Variants in MYCBP2 observed in about 807,000 individuals in gnomAD.
The protein encoded by MYCBP2 is E3 ubiquitin-protein ligase MYCBP2.
Under a neutral mutation model 525.3 loss-of-function variants are expected in MYCBP2, and 120 were observed. That is an observed-to-expected ratio of 0.23 (90% CI 0.20 to 0.27). MYCBP2 has a LOEUF of 0.27. Ranked by LOEUF, MYCBP2 falls within the 10% of genes least tolerant of loss-of-function variation. The pLI is 1.00. For missense variants in MYCBP2, 4,149 were observed against 5,657.1 expected (o/e 0.73, Z 8.55); for synonymous variants, 1,894 against 1,955.8 (o/e 0.97, Z 0.83).
chr13:77,167,951 GAA>G (rs1447171514), intron 40 of MYCBP2, among the ~76,000 whole-genome samples: 1 of 152,068 alleles, frequency 6.6e-6, no homozygotes, highest in Non-Finnish European at 1.5e-5. Context: ...AAAAAACAAA[GAA>G]TACGGATTTT....
intron 1 of MYCBP2, among the ~76,000 whole-genome samples, chr13:77,308,379 T>C (rs998917210): frequency 2.0e-5 from 3 of 152,232 alleles, no homozygotes; most frequent in Non-Finnish European, 4.4e-5. Flanking sequence ...TATGTCAAGA[T>C]AGGTTAAGAG....
At position 77,165,266 on chromosome 13, in the gene MYCBP2, T is replaced by C. The variant is rs17067276; in HGVS notation, c.6459+7A>G. On this transcript the variant is annotated splice_region_variant and intron_variant, in intron 42 of 82. Coordinates refer to ENST00000544440, the MANE Select transcript of MYCBP2 (RefSeq NM_015057.5). ...CTTAAAAGAATGAAAAGATAATTCA[T>C]TCTTACCTCATCAGGTCCAGGGCTA... 4 of 1,571,218 alleles carry C rather than the reference T, an allele frequency of 2.5e-6. No individual in the cohort carries two copies. In the African/African-American group the frequency reaches 5.4e-5, roughly 21 times the overall value.
intron 8 of MYCBP2, among the ~76,000 whole-genome samples, chr13:77,267,427 A>AT (rs2074266955): frequency 3.3e-5 from 5 of 150,972 alleles, no homozygotes; most frequent in Non-Finnish European, 7.4e-5. Flanking sequence ...ATTAAATTAA[A>AT]TAAAATTAAA....
intron 61 of MYCBP2, among the ~76,000 whole-genome samples, chr13:77,088,161 A>G (rs2044696716): frequency 6.6e-6 from 1 of 152,132 alleles, no homozygotes; most frequent in Non-Finnish European, 1.5e-5. Flanking sequence ...TTAATTTAAA[A>G]AAAACAGGAA....
chr13:77,248,544 A>T (rs2070491079), intron 15 of MYCBP2, among the ~76,000 whole-genome samples: 1 of 152,170 alleles, frequency 6.6e-6, no homozygotes, highest in Admixed American at 6.5e-5. Flanking sequence ...CACTGGAGAA[A>T]TTCAAATCAA....
intron 18 of MYCBP2, among the ~76,000 whole-genome samples, chr13:77,226,211 T>G (rs886932983): frequency 1.3e-5 from 2 of 152,144 alleles, no homozygotes; most frequent in African/African-American, 4.8e-5. Context: ...CAACCAAACC[T>G]TTTTTCTGCT....
chr13:77,314,850 G>A (rs545397534), intron 1 of MYCBP2, among the ~76,000 whole-genome samples: 29 of 152,214 alleles, frequency 1.9e-4, no homozygotes, highest in African/African-American at 6.7e-4. Flanking sequence ...GAGGCTATGC[G>A]TGAGTGGGGG....
At position 77,251,246 on chromosome 13, in the gene MYCBP2, C is replaced by T; in HGVS notation, c.2286G>A (p.Lys762=). The T allele has an allele frequency of 6.2e-7, 1 of 1,614,200 alleles. No homozygotes were observed. Among genetic ancestry groups the T allele is most frequent in the Non-Finnish European group, 8.5e-7 (1 of 1,180,028 alleles). ...CAGTGCAAACCATGCACTGCTCCAG[C>T]TTCCATTTGTGCATGCCTGGAGGGC... The part of the protein sequence containing the change: ...MMCPPGMHKW[K]LEQCMVCTVC... The change falls in exon 15 of 83, where the codon AAG becomes AAA. Residue 762 remains lysine, a synonymous_variant. Coordinates refer to ENST00000544440, the MANE Select transcript of MYCBP2 (RefSeq NM_015057.5).
chr13:77,083,065 G>C lies in MYCBP2; in HGVS notation c.11003C>G (p.Pro3668Arg). ...CATTTGCTGTAATGAACTGCCGCTG[G>C]GGAGAGACATCATAAGGTCTGAGAT... ...QTISDLMMSL[P>R]SGSSLQQMAL... is the part of the protein sequence containing the mutation. The change falls in exon 63 of 83, where the codon CCC becomes CGC. Residue 3668 changes from proline (P) to arginine (R), a missense_variant. Around this residue, in one of 21 missense-constraint regions of MYCBP2, gnomAD observed 509 missense variants for 789.4 expected, o/e 0.64. Transcript: ENST00000544440. 6.2e-7 allele frequency: 1 copy of C among 1,613,328 alleles called. No homozygotes were observed. The highest frequency in any genetic ancestry group is 8.5e-7 in the Non-Finnish European group (1 of 1,179,546).
chr13:77,168,684 C>A, intron 39 of MYCBP2, 38 bp from the exon 40 acceptor site: 1 of 1,574,332 alleles, frequency 6.4e-7, no homozygotes, highest in South Asian at 1.1e-5. Context: ...ATGAGATACA[C>A]GTGAAAGTGG....
intron 55 of MYCBP2, among the ~76,000 whole-genome samples, chr13:77,101,938 T>A (rs996353154): frequency 6.6e-6 from 1 of 151,962 alleles, no homozygotes. Context: ...AGACTATACG[T>A]AATACTTTCA....
intron 75 of MYCBP2, among the ~76,000 whole-genome samples, 160 bp downstream of exon 75, chr13:77,061,502 C>T (rs1222090531): frequency 6.6e-6 from 1 of 152,124 alleles, no homozygotes; most frequent in Non-Finnish European, 1.5e-5. Context: ...AAGGATAAAA[C>T]AACTTGCTAT....
chr13:77,088,905 T>C lies in MYCBP2; in HGVS notation c.10652A>G (p.His3551Arg). The change falls in exon 61 of 83, where the codon CAT (histidine) becomes CGT (arginine). Residue 3551 changes from histidine to arginine, a missense_variant. His to Arg is a conservative substitution (Grantham distance 29, BLOSUM62 0). Transcript: ENST00000544440. ...WPVLAFVIQH[H>R]DLEGLEIAMK... ...TGCTATTTCAAGACCTTCTAGATCA[T>C]GATGTTGTATAACAAAAGCTAAAAC... 1.2e-6 allele frequency: 2 copies of C among 1,613,382 alleles called. No individual in the cohort carries two copies. The highest frequency in any genetic ancestry group is 8.5e-7 in the Non-Finnish European group (1 of 1,179,556).
At chr13:77,092,110 A>G (rs1225285351) in intron 59 of MYCBP2, among the ~76,000 whole-genome samples, 1 of 150,520 alleles carries the variant, frequency 6.6e-6, no homozygotes, top group Non-Finnish European at 1.5e-5. Context: ...ATTTGGATAT[A>G]TATGTCCCAT....
rs1225005552 is a variant in MYCBP2, at chr13:77,181,933, C to G, written c.4720-11G>C. On this transcript the variant is annotated splice_polypyrimidine_tract_variant and intron_variant, in intron 32 of 82. Transcript: ENST00000544440. ...TGCTTCTTGGATATCCTTTTAAAAA[C>G]AAAAATATGGCCCCCCAACCAAAAA... The G allele has an allele frequency of 6.2e-7, 1 of 1,608,564 alleles. No individual in the cohort carries two copies. The highest frequency in any genetic ancestry group is 8.5e-7 in the Non-Finnish European group (1 of 1,177,540).
chr13:77,318,940 T>C (rs2081275445), intron 1 of MYCBP2, among the ~76,000 whole-genome samples: 1 of 152,194 alleles, frequency 6.6e-6, no homozygotes, highest in African/African-American at 2.4e-5. Context: ...TGCAAAAATA[T>C]GACATCATCA....
chr13:77,105,474 T>G (rs866352450), intron 55 of MYCBP2, among the ~76,000 whole-genome samples: 3 of 150,110 alleles, frequency 2.0e-5, no homozygotes, highest in African/African-American at 7.6e-5. Context: ...AAACAACACA[T>G]GTTCTACACA....
intron 26 of MYCBP2, among the ~76,000 whole-genome samples, chr13:77,201,722 A>T (rs941512842): frequency 1.3e-5 from 2 of 152,030 alleles, no homozygotes; most frequent in African/African-American, 2.4e-5. Flanking sequence ...TCAAACTAGA[A>T]CTCAGGATTA....
In MYCBP2 at chr13:77,182,219, A is replaced by G. The variant is rs550142102; in HGVS notation, c.4720-297T>C. On this transcript the variant is annotated intron_variant, in intron 32 of 82. Transcript: ENST00000544440. ...CCTCACAATCACAGTACTCTCTAGC[A>G]CTGTTTCAAAGGGAGATGCCAAAAA... 3.3e-5 allele frequency among the ~76,000 whole-genome samples: 5 copies of G among 152,276 alleles called. No individual in the cohort carries two copies. The East Asian group carries it at 9.6e-4, about 29-fold the overall frequency.
Sources: gnomAD v4.1 joint callset for allele counts (sites outside exome capture counted in the v4.1 genomes callset) on GRCh38, gnomAD v4.1.1 for gene constraint, gnomAD v4.1.1 regional missense constraint, MANE v1.5 for transcripts, NCBI Gene and HGNC (gene_info 2026-07-23, HGNC 2026-07-21) for gene names.